The following PCCA variants were observed in gnomAD, a reference collection of about 807,000 sequenced individuals.
The protein encoded by PCCA is propionyl-CoA carboxylase subunit alpha.
PCCA carries 74 observed loss-of-function variants against 101.3 expected under a neutral mutation model. The ratio of observed to expected loss-of-function variants is 0.73; its 90% CI spans 0.61 to 0.89. The LOEUF is 0.89. PCCA is among the 40% of genes least tolerant of loss of function. The pLI, the probability that PCCA is intolerant of heterozygous loss-of-function variation, is 0.00. For synonymous variants in PCCA, 294 were observed against 313.6 expected (o/e 0.94, Z 0.66); for missense variants, 891 against 907.0 (o/e 0.98, Z 0.23).
chr13:100,331,743 A>G (rs1320984395), intron 17 of PCCA, among the ~76,000 whole-genome samples: 2 of 152,070 alleles, frequency 1.3e-5, no homozygotes, highest in African/African-American at 4.8e-5. Context: ...ATAAAATACA[A>G]CTAGGATAGT....
chr13:100,234,129 T>C (rs919447867), intron 7 of PCCA, among the ~76,000 whole-genome samples: 1 of 152,212 alleles, frequency 6.6e-6, no homozygotes, highest in Non-Finnish European at 1.5e-5. Context: ...TCACTCTTCC[T>C]GTATTTTGTT....
chr13:100,135,160 G>A (rs553418778), intron 4 of PCCA, among the ~76,000 whole-genome samples: 6 of 151,992 alleles, frequency 3.9e-5, no homozygotes, highest in African/African-American at 1.2e-4. Context: ...TTGGGAGGCT[G>A]AGGTGGGAGG....
chr13:100,354,890 C>T (rs552589128), intron 18 of PCCA, among the ~76,000 whole-genome samples: 1 of 152,270 alleles, frequency 6.6e-6, no homozygotes, highest in South Asian at 2.1e-4. Context: ...CAGATGACTT[C>T]ATTGGTTAAA....
At chr13:100,268,875 A>C in intron 11 of PCCA, 92 bp downstream of exon 11, 1 of 917,274 alleles carries the variant, frequency 1.1e-6, no homozygotes, top group Non-Finnish European at 1.8e-6. Flanking sequence ...GCATGCATTC[A>C]GAGACAGGGT....
At chr13:100,505,023 C>G (rs937825913) in intron 21 of PCCA, among the ~76,000 whole-genome samples, 2 of 152,204 alleles carry the variant, frequency 1.3e-5, no homozygotes, top group South Asian at 4.1e-4. Context: ...CATGGAAAGT[C>G]GACCTTTCCC....
chr13:100,125,040 C>A (rs1247070785), intron 4 of PCCA, among the ~76,000 whole-genome samples: 1 of 151,960 alleles, frequency 6.6e-6, no homozygotes, highest in African/African-American at 2.4e-5. Flanking sequence ...GGAGCTGATG[C>A]CTATCACTGA....
intron 21 of PCCA, among the ~76,000 whole-genome samples, chr13:100,451,527 C>G (rs1298970976): frequency 1.3e-5 from 2 of 152,156 alleles, no homozygotes; most frequent in African/African-American, 4.8e-5. Context: ...GGGAAGTCCA[C>G]TCATGCTGTC....
intron 21 of PCCA, among the ~76,000 whole-genome samples, chr13:100,492,648 A>C (rs548418790): frequency 6.6e-6 from 1 of 151,518 alleles, no homozygotes; most frequent in South Asian, 2.1e-4. Context: ...GGGAACAGGC[A>C]TTCCCGTTTT....
At chr13:100,256,833 A>G (rs1285933183) in intron 8 of PCCA, among the ~76,000 whole-genome samples, 5 of 152,236 alleles carry the variant, frequency 3.3e-5, no homozygotes, top group Non-Finnish European at 5.9e-5. Context: ...GGAGACTTGT[A>G]CACTTTTCTT....
intron 21 of PCCA, among the ~76,000 whole-genome samples, chr13:100,452,656 T>TA (rs915425688): frequency 6.4e-4 from 97 of 152,204 alleles, no homozygotes; most frequent in African/African-American, 2.0e-3. Flanking sequence ...TTTATTTATT[T>TA]TTTTCATTAG....
chr13:100,133,288 G>A (rs748263178), intron 4 of PCCA, among the ~76,000 whole-genome samples: 3 of 152,076 alleles, frequency 2.0e-5, no homozygotes, highest in Admixed American at 1.3e-4. Context: ...TATGTATTCC[G>A]AATACAGGTC....
intron 6 of PCCA, among the ~76,000 whole-genome samples, chr13:100,202,728 G>A (rs2058606821): frequency 6.7e-6 from 1 of 149,494 alleles, no homozygotes; most frequent in Admixed American, 6.6e-5. Context: ...CTCATCTTCT[G>A]TATTATTTAT....
chr13:100,208,505 C>T (rs1344473571), intron 6 of PCCA, among the ~76,000 whole-genome samples: 1 of 152,150 alleles, frequency 6.6e-6, no homozygotes, highest in African/African-American at 2.4e-5. Flanking sequence ...TTTATATTTA[C>T]CTTCAGTTCT....
intron 21 of PCCA, among the ~76,000 whole-genome samples, chr13:100,494,677 CA>C (rs11459166): frequency 6.1e-4 from 88 of 143,550 alleles, no homozygotes; most frequent in Non-Finnish European, 6.1e-4. Context: ...GAGCAAAACT[CA>C]AAAAAAAAAA....
At chr13:100,392,621 C>G (rs1315882674) in intron 19 of PCCA, among the ~76,000 whole-genome samples, 1 of 152,086 alleles carries the variant, frequency 6.6e-6, no homozygotes, top group Non-Finnish European at 1.5e-5. Flanking sequence ...TATAAAATTT[C>G]CTGTGACCTG....
intron 6 of PCCA, among the ~76,000 whole-genome samples, chr13:100,182,003 T>G (rs1447953771): frequency 6.6e-6 from 1 of 150,990 alleles, no homozygotes; most frequent in East Asian, 2.0e-4. Context: ...AGGGCTCAAG[T>G]GATCTGCTTG....
At chr13:100,376,879 G>A (rs978288200) in intron 19 of PCCA, among the ~76,000 whole-genome samples, 3 of 152,202 alleles carry the variant, frequency 2.0e-5, no homozygotes, top group Admixed American at 6.5e-5. Flanking sequence ...AGCTAGCTTG[G>A]TGTCTGCCCA....
At chr13:100,416,190 GTT>G (rs1292129478) in intron 19 of PCCA, among the ~76,000 whole-genome samples, 1 of 144,730 alleles carries the variant, frequency 6.9e-6, no homozygotes, top group Non-Finnish European at 1.5e-5. Flanking sequence ...ATAAATCATG[GTT>G]TTTTTTTTTT....
intron 21 of PCCA, among the ~76,000 whole-genome samples, chr13:100,508,924 AAC>A (rs2086273973): frequency 6.6e-6 from 1 of 152,004 alleles, no homozygotes; most frequent in South Asian, 2.1e-4. Flanking sequence ...TAATAACCTA[AAC>A]CGTAAACGCT....
Sources: allele counts gnomAD v4.1 joint callset (sites outside exome capture counted in the v4.1 genomes callset), GRCh38; gene constraint gnomAD v4.1.1; transcripts MANE v1.5; gene names NCBI Gene and HGNC (gene_info 2026-07-23, HGNC 2026-07-21).